DNAH5: variants seen among roughly 807,000 people sequenced by gnomAD.
DNAH5 encodes the protein dynein axonemal heavy chain 5.
A neutral mutation model predicts 518.2 loss-of-function variants in DNAH5; 372 were observed. The ratio of observed to expected loss-of-function variants is 0.72; its 90% CI spans 0.66 to 0.78. DNAH5 has a LOEUF of 0.78. Among genes scored for constraint, DNAH5 ranks in the 30% least tolerant of loss-of-function variants. The pLI, the probability that DNAH5 is intolerant of heterozygous loss-of-function variation, is 0.00. For missense variants in DNAH5, 5,523 were observed against 5,687.0 expected (o/e 0.97, Z 0.93); for synonymous variants, 2,039 against 2,025.9 (o/e 1.01, Z -0.17).
chr5:13,720,954 C>A, intron 71 of DNAH5, 46 bp downstream of exon 71: 1 of 1,613,700 alleles, frequency 6.2e-7, no homozygotes, highest in East Asian at 2.2e-5. Context: ...ATTCTATAAC[C>A]TGTAATATGA....
intron 11 of DNAH5, among the ~76,000 whole-genome samples, chr5:13,912,432 C>G (rs1196481281): frequency 2.7e-5 from 4 of 150,470 alleles, no homozygotes; most frequent in Non-Finnish European, 5.9e-5. Context: ...TATATATATA[C>G]TTTTTTATAT....
chr5:14,002,391 C>A (rs1299784448), intron 1 of DNAH5, among the ~76,000 whole-genome samples: 1 of 151,748 alleles, frequency 6.6e-6, no homozygotes, highest in African/African-American at 2.4e-5. Context: ...AAAAATTAAA[C>A]ACATAAATGT....
In DNAH5 at chr5:13,871,651, A is replaced by G. The variant is rs1770119883; in HGVS notation, c.3511T>C (p.Ser1171Pro). Reference protein sequence around the residue: ...TQSPLLSEFESQILYFQNLEQ... With the variant: ...TQSPLLSEFEPQILYFQNLEQ... ...AGGTTTTGGAAATAGAGAATCTGGG[A>G]CTCAAATTCAGAAAGCAAGGGGCTC... is the stretch of plus-strand genomic sequence containing the variant. The change falls in exon 23 of 79, where the codon TCC (serine) becomes CCC (proline). Residue 1171 changes from serine (S) to proline (P), a missense_variant. Around this residue, in one of 3 missense-constraint regions of DNAH5, gnomAD observed 5,121 missense variants for 5,223.3 expected, o/e 0.98. Coordinates refer to ENST00000265104, the MANE Select transcript of DNAH5 (RefSeq NM_001369.3). The G allele has an allele frequency of 1.2e-6, 2 of 1,613,648 alleles. No homozygotes were observed. Among genetic ancestry groups the G allele is most frequent in the Non-Finnish European group, 1.7e-6 (2 of 1,179,764 alleles).
chr5:13,916,401 T>C lies in DNAH5; in HGVS notation c.1144A>G (p.Ser382Gly). 6.4e-7 allele frequency: 1 copy of C among 1,551,594 alleles called. No homozygotes were observed. Among genetic ancestry groups the C allele is most frequent in the African/African-American group, 1.4e-5 (1 of 73,626 alleles). ...GAGGTATTATAGTAATGAGAGATAC[T>C]ATAGATCATTTTAATTGCATTTATA... The part of the protein sequence containing the change: ...TLINAIKMIY[S>G]ISHYYNTSEK... The change falls in exon 9 of 79, where the codon AGT becomes GGT. Residue 382 changes from serine to glycine, a missense_variant. Physicochemically the swap from Ser to Gly is moderately conservative, Grantham distance 56. This residue lies in a region of DNAH5 where 5,121 missense variants were observed against 5,223.3 expected (regional missense o/e 0.98). Coordinates refer to ENST00000265104, the MANE Select transcript of DNAH5 (RefSeq NM_001369.3).
At chr5:13,703,952 G>A (rs1168630385) in intron 76 of DNAH5, among the ~76,000 whole-genome samples, 1 of 152,118 alleles carries the variant, frequency 6.6e-6, no homozygotes, top group African/African-American at 2.4e-5. Context: ...TAGACCTGGG[G>A]TGCCTTGTCC....
At chr5:13,985,433 ATATATAT>A (rs1561045572) in intron 1 of DNAH5, among the ~76,000 whole-genome samples, 2 of 5,710 alleles carry the variant, frequency 3.5e-4, no homozygotes, top group East Asian at 0.5. Context: ...ATAATAAAAT[ATATATAT>A]ATATATATAT....
intron 61 of DNAH5, among the ~76,000 whole-genome samples, chr5:13,757,517 C>T (rs929005197): frequency 6.6e-6 from 1 of 152,028 alleles, no homozygotes; most frequent in African/African-American, 2.4e-5. Flanking sequence ...TGAAAAGTGT[C>T]TGTTGTAAAG....
chr5:13,845,119 G>T, intron 31 of DNAH5, 126 bp from the exon 32 acceptor site: 2 of 852,130 alleles, frequency 2.3e-6, no homozygotes, highest in Non-Finnish European at 3.7e-6. Context: ...TTTCCTACGT[G>T]ACTTCTCACT....
Position 13,718,981 on chromosome 5 carries a change from C to T in DNAH5, c.12400G>A (p.Ala4134Thr), listed in dbSNP as rs780100823. 2 of 1,614,012 alleles carry T rather than the reference C, an allele frequency of 1.2e-6. No individual in the cohort carries two copies. The highest frequency in any genetic ancestry group is 1.7e-6 in the Non-Finnish European group (2 of 1,179,982). The change falls in exon 72 of 79, where the codon GCT (alanine) becomes ACT (threonine). Residue 4134 changes from alanine to threonine, a missense_variant. Around this residue, in one of 3 missense-constraint regions of DNAH5, gnomAD observed 5,121 missense variants for 5,223.3 expected, o/e 0.98. Transcript: ENST00000265104. ...AGTGTAATGGGAAACTGCTTATGAG[C>T]CTCGGTGGTCATCCAGAGGCGGAAC... is the stretch of plus-strand genomic sequence containing the variant. ...DAFRLWMTTE[A>T]HKQFPITLLQ...
intron 12 of DNAH5, among the ~76,000 whole-genome samples, chr5:13,910,857 T>A (rs549204524): frequency 9.2e-5 from 14 of 152,210 alleles, no homozygotes; most frequent in Non-Finnish European, 1.6e-4. Flanking sequence ...AAACTGCTCA[T>A]GTGAGCTGCA....
At chr5:13,704,121 T>C (rs147387134) in intron 76 of DNAH5, among the ~76,000 whole-genome samples, 5 of 152,306 alleles carry the variant, frequency 3.3e-5, no homozygotes, top group Non-Finnish European at 5.9e-5. Context: ...GGTGCAGCTA[T>C]AACAGCAGCT....
chr5:13,943,888 G>C lies in DNAH5; in HGVS notation c.57+494C>G, dbSNP rs566472764. Among the ~76,000 whole-genome samples the C allele has an allele frequency of 3.9e-5, 6 of 152,322 alleles. No homozygotes were observed. In the East Asian group the frequency reaches 7.7e-4, roughly 20 times the overall value. Reference sequence around the variant, plus strand: ...GCATAATAAAAAGCTGCTGAGCTGAGCCCTGTGCTAGGGAAGTTCATTCTT... The same window carrying C: ...GCATAATAAAAAGCTGCTGAGCTGACCCCTGTGCTAGGGAAGTTCATTCTT... On this transcript the variant is annotated intron_variant, in intron 1 of 78. Transcript: ENST00000265104.
chr5:13,811,544 C>T, intron 44 of DNAH5, 103 bp downstream of exon 44: 1 of 1,151,292 alleles, frequency 8.7e-7, no homozygotes. Context: ...ATAGTACTCT[C>T]TGTATAGCAT....
At chr5:13,726,579 T>C (rs542934065) in intron 70 of DNAH5, among the ~76,000 whole-genome samples, 1 of 152,322 alleles carries the variant, frequency 6.6e-6, no homozygotes, top group South Asian at 2.1e-4. Context: ...CACAATTCAG[T>C]TGGGCAGGAT....
At chr5:13,811,052 A>G (rs1760625457) in intron 44 of DNAH5, among the ~76,000 whole-genome samples, 1 of 152,186 alleles carries the variant, frequency 6.6e-6, no homozygotes, top group African/African-American at 2.4e-5. Context: ...TCATGGAGAT[A>G]GAGTAGAAGG....
At chr5:13,987,527 C>T (rs1405523310) in intron 1 of DNAH5, among the ~76,000 whole-genome samples, 1 of 152,154 alleles carries the variant, frequency 6.6e-6, no homozygotes, top group Non-Finnish European at 1.5e-5. Context: ...GCCTCACCAC[C>T]TCTCAAATAC....
At chr5:13,778,592 AAG>A (rs748873288) in intron 53 of DNAH5, among the ~76,000 whole-genome samples, 1 of 51,494 alleles carries the variant, frequency 1.9e-5, no homozygotes, top group Admixed American at 1.6e-4. Context: ...GAAAGAAAGA[AAG>A]AAAGAGAGAG....
chr5:13,710,836 A>G (rs1743390028), intron 75 of DNAH5, among the ~76,000 whole-genome samples: 1 of 152,218 alleles, frequency 6.6e-6, no homozygotes, highest in Non-Finnish European at 1.5e-5. Context: ...ATAACCCTGA[A>G]GAGACCAATA....
At chr5:13,735,721 ACT>A in intron 67 of DNAH5, 95 bp downstream of exon 67, 1 of 973,356 alleles carries the variant, frequency 1.0e-6, no homozygotes, top group South Asian at 1.3e-5. Context: ...AAAGAAAAAG[ACT>A]CTTACTAACA....
Sources: allele counts gnomAD v4.1 joint callset (sites outside exome capture counted in the v4.1 genomes callset), GRCh38; gene constraint gnomAD v4.1.1; regional missense constraint gnomAD v4.1.1; transcripts MANE v1.5; gene names NCBI Gene and HGNC (gene_info 2026-07-23, HGNC 2026-07-21).